Variants in ROR1 observed in about 807,000 individuals in gnomAD.
The protein encoded by ROR1 is inactive tyrosine-protein kinase transmembrane receptor ROR1.
A neutral mutation model predicts 78.8 loss-of-function variants in ROR1; 19 were observed. That is an observed-to-expected ratio of 0.24 (90% CI 0.17 to 0.35). The LOEUF is 0.35. Among genes scored for constraint, ROR1 ranks in the 10% least tolerant of loss-of-function variants. The pLI, the probability that ROR1 is intolerant of heterozygous loss-of-function variation, is 1.00. For missense variants in ROR1, 917 were observed against 1,177.8 expected, an observed-to-expected ratio of 0.78 and a Z score of 3.24; for synonymous variants, 386 against 433.6, an observed-to-expected ratio of 0.89 and a Z score of 1.36.
chr1:64,158,308 T>G (rs760558391), intron 7 of ROR1, among the ~76,000 whole-genome samples: 2 of 152,206 alleles, frequency 1.3e-5, no homozygotes, highest in Non-Finnish European at 2.9e-5. Context: ...CTGGAAGGAA[T>G]TATAGACACC....
intron 2 of ROR1, among the ~76,000 whole-genome samples, chr1:64,015,604 C>T (rs140876773): frequency 7.2e-5 from 11 of 152,144 alleles, no homozygotes; most frequent in African/African-American, 2.6e-4. Context: ...GTGACTGAGT[C>T]GTTTTCTTGT....
intron 1 of ROR1, among the ~76,000 whole-genome samples, chr1:63,775,024 G>A (rs930043910): frequency 9.2e-5 from 14 of 152,076 alleles, no homozygotes; most frequent in Non-Finnish European, 1.9e-4. Context: ...TGGGGCTCCG[G>A]CGGCCTCGCA....
chr1:64,031,374 A>G (rs1646658433), intron 2 of ROR1, among the ~76,000 whole-genome samples: 1 of 152,216 alleles, frequency 6.6e-6, no homozygotes. Flanking sequence ...TCCTGAGTAC[A>G]TTCCATGCTG....
chr1:64,158,190 T>C (rs901259053), intron 7 of ROR1, among the ~76,000 whole-genome samples: 4 of 152,100 alleles, frequency 2.6e-5, no homozygotes, highest in African/African-American at 9.7e-5. Context: ...ATATAAGATT[T>C]CAAAAATATA....
At chr1:63,961,030 A>G (rs764140019) in intron 1 of ROR1, among the ~76,000 whole-genome samples, 21 of 152,100 alleles carry the variant, frequency 1.4e-4, no homozygotes, top group Non-Finnish European at 2.5e-4. Flanking sequence ...CTGAACTAGC[A>G]TTTTCTTTTC....
At chr1:63,870,706 T>C (rs1324059803) in intron 1 of ROR1, among the ~76,000 whole-genome samples, 1 of 152,182 alleles carries the variant, frequency 6.6e-6, no homozygotes, top group Non-Finnish European at 1.5e-5. Flanking sequence ...CATTCTCCTG[T>C]GAGGGTAAGT....
chr1:64,128,640 A>C (rs1361779365), intron 4 of ROR1, among the ~76,000 whole-genome samples: 1 of 152,232 alleles, frequency 6.6e-6, no homozygotes, highest in African/African-American at 2.4e-5. Context: ...CAACAACTTG[A>C]CACTGAATAG....
At chr1:63,930,074 T>C (rs1429549201) in intron 1 of ROR1, among the ~76,000 whole-genome samples, 1 of 152,152 alleles carries the variant, frequency 6.6e-6, no homozygotes, top group Non-Finnish European at 1.5e-5. Context: ...CATGAACCCG[T>C]CATCTACATT....
At chr1:63,861,963 A>G (rs1478068805) in intron 1 of ROR1, among the ~76,000 whole-genome samples, 4 of 152,254 alleles carry the variant, frequency 2.6e-5, no homozygotes, top group African/African-American at 7.2e-5. Context: ...GGCATATTCT[A>G]TAAGGAAAAA....
chr1:63,798,016 A>G (rs1481966588), intron 1 of ROR1, among the ~76,000 whole-genome samples: 2 of 152,212 alleles, frequency 1.3e-5, no homozygotes, highest in Non-Finnish European at 2.9e-5. Flanking sequence ...TCTTCATCTT[A>G]TGAGCCCATG....
In ROR1 at chr1:64,177,792, A is replaced by T; in HGVS notation, c.1751A>T (p.Lys584Ile). 6.2e-7 allele frequency: 1 copy of T among 1,614,144 alleles called. No homozygotes were observed. Among genetic ancestry groups the T allele is most frequent in the Non-Finnish European group, 8.5e-7 (1 of 1,180,002 alleles). The change falls in exon 9 of 9, where the codon AAA becomes ATA. Residue 584 changes from lysine to isoleucine, a missense_variant. By Grantham distance (102) the Lys-to-Ile change is moderately radical. Around this residue, in one of 3 missense-constraint regions of ROR1, gnomAD observed 835 missense variants for 1,069.8 expected, o/e 0.78. Transcript: ENST00000371079. ...AGCAGTGATGAAGATGGGACTGTGA[A>T]ATCCAGCCTGGACCACGGAGATTTT... ...GCSSDEDGTVKSSLDHGDFLH... is the reference protein window; with the variant it reads ...GCSSDEDGTVISSLDHGDFLH...
At chr1:63,909,519 A>G (rs1262258576) in intron 1 of ROR1, among the ~76,000 whole-genome samples, 1 of 152,176 alleles carries the variant, frequency 6.6e-6, no homozygotes, top group Admixed American at 6.5e-5. Flanking sequence ...GGTGAGATAC[A>G]GGTCATCATA....
chr1:63,976,873 A>G (rs533331340), intron 1 of ROR1, among the ~76,000 whole-genome samples: 1 of 152,318 alleles, frequency 6.6e-6, no homozygotes, highest in African/African-American at 2.4e-5. Flanking sequence ...TGTTTCATAT[A>G]CACCTATATT....
At chr1:63,924,298 G>A (rs1645681310) in intron 1 of ROR1, among the ~76,000 whole-genome samples, 1 of 152,170 alleles carries the variant, frequency 6.6e-6, no homozygotes, top group South Asian at 2.1e-4. Context: ...CAGGGTTACA[G>A]CACTAGTTCT....
rs558968610 is a variant in ROR1, at chr1:64,003,623, C to A, written c.92-5682C>A. ...CCGAGTCCCTAGTGTGGAGAGGCCCCCTCCTTCAGGACCCCAGATGTGGGG... is the reference window on the plus strand; with the variant it reads ...CCGAGTCCCTAGTGTGGAGAGGCCCACTCCTTCAGGACCCCAGATGTGGGG... On this transcript the variant is annotated intron_variant, in intron 1 of 8. Transcript: ENST00000371079. Among the ~76,000 whole-genome samples, 5 of 152,272 alleles carry A rather than the reference C, an allele frequency of 3.3e-5. No homozygotes were observed. In the East Asian group the frequency reaches 9.7e-4, roughly 29 times the overall value.
At chr1:63,983,048 C>G (rs923086253) in intron 1 of ROR1, among the ~76,000 whole-genome samples, 1 of 152,146 alleles carries the variant, frequency 6.6e-6, no homozygotes, top group Non-Finnish European at 1.5e-5. Context: ...CTTAAGCACA[C>G]AAAATATTTG....
Position 64,159,056 on chromosome 1 carries a change from C to T in ROR1, c.1250C>T (p.Ala417Val), listed in dbSNP as rs1649858711. ...ILVPSVAIPL[A>V]IALLFFFICV... is the part of the protein sequence containing the mutation. Reference sequence around the variant, plus strand: ...GTGCCAAGTGTGGCCATTCCCCTGGCCATTGCTTTACTCTTCTTCTTCATT... The same window carrying T: ...GTGCCAAGTGTGGCCATTCCCCTGGTCATTGCTTTACTCTTCTTCTTCATT... The change falls in exon 8 of 9, where the codon GCC (alanine) becomes GTC (valine). Residue 417 changes from alanine to valine, a missense_variant. Physicochemically the swap from Ala to Val is moderately conservative, Grantham distance 64. Around this residue, in one of 3 missense-constraint regions of ROR1, gnomAD observed 835 missense variants for 1,069.8 expected, o/e 0.78. Transcript: ENST00000371079. 6.2e-7 allele frequency: 1 copy of T among 1,614,010 alleles called. No homozygotes were observed. Among genetic ancestry groups the T allele is most frequent in the African/African-American group, 1.3e-5 (1 of 74,920 alleles).
intron 1 of ROR1, among the ~76,000 whole-genome samples, chr1:63,952,268 C>T (rs960133328): frequency 7.2e-5 from 11 of 151,964 alleles, no homozygotes; most frequent in Admixed American, 7.2e-4. Context: ...ATAGAAAGGC[C>T]CCCAAACAGG....
chr1:64,023,768 G>T (rs188409077), intron 2 of ROR1, among the ~76,000 whole-genome samples: 2 of 152,220 alleles, frequency 1.3e-5, no homozygotes, highest in Admixed American at 6.5e-5. Flanking sequence ...GCATCTTTCT[G>T]TGTCATTAAA....
Sources: gnomAD v4.1 joint callset for allele counts (sites outside exome capture counted in the v4.1 genomes callset) on GRCh38, gnomAD v4.1.1 for gene constraint, gnomAD v4.1.1 regional missense constraint, MANE v1.5 for transcripts, NCBI Gene and HGNC (gene_info 2026-07-23, HGNC 2026-07-21) for gene names.